The following NTM variants were observed in gnomAD, a reference collection of about 807,000 sequenced individuals.
NTM encodes the protein neurotrimin.
In NTM, 13 loss-of-function variants were observed where a neutral mutation model predicts 42.1. The ratio of observed to expected loss-of-function variants is 0.31; its 90% CI spans 0.20 to 0.49. The LOEUF is 0.49. Ranked by LOEUF, NTM falls within the 20% of genes least tolerant of loss-of-function variation. NTM has a pLI of 0.99. For synonymous variants in NTM, 187 were observed against 179.2 expected, an observed-to-expected ratio of 1.04 and a Z score of -0.35; for missense variants, 373 against 452.8, an observed-to-expected ratio of 0.82 and a Z score of 1.60.
chr11:132,311,740 A>T lies in NTM; in HGVS notation c.782+1508A>T, dbSNP rs556492863. Reference sequence around the variant, plus strand: ...TCATCAGCTGCGTCCTATTATTCCAATTCTTTATTGGAGAAAAATAGAAAA... The same window carrying T: ...TCATCAGCTGCGTCCTATTATTCCATTTCTTTATTGGAGAAAAATAGAAAA... On this transcript the variant is annotated intron_variant, in intron 6 of 8. Transcript: ENST00000683400. 1.8e-4 allele frequency among the ~76,000 whole-genome samples: 27 copies of T among 152,174 alleles called. No homozygotes were observed. In the South Asian group the frequency reaches 3.5e-3, roughly 20 times the overall value.
intron 2 of NTM, among the ~76,000 whole-genome samples, chr11:132,090,998 C>G (rs115302374): frequency 0.016 from 2,362 of 152,298 alleles, 62 homozygotes; most frequent in African/African-American, 0.053. Flanking sequence ...TTCCAATTTT[C>G]TCCATTCCAC....
chr11:131,953,096 C>T (rs959585599), intron 2 of NTM, among the ~76,000 whole-genome samples: 2 of 152,154 alleles, frequency 1.3e-5, no homozygotes, highest in Non-Finnish European at 2.9e-5. Flanking sequence ...GTTCAAGTTC[C>T]TCCAGCTGCT....
At position 131,886,753 on chromosome 11, in the gene NTM, C is replaced by T. The variant is rs146956780; in HGVS notation, c.83-24811C>T. Among the ~76,000 whole-genome samples, 9 of 152,162 alleles carry T rather than the reference C, an allele frequency of 5.9e-5. 1 individual carries two copies. The highest frequency in any genetic ancestry group is 5.9e-4 in the Admixed American group (9 of 15,276). The stretch of plus-strand genomic sequence containing the variant: ...CATTACCCTGGTAAGATGACAGAGC[C>T]AAGCTTTGCTAACGATGTTTCTGTG... On this transcript the variant is annotated intron_variant, in intron 1 of 8. Transcript: ENST00000683400.
intron 1 of NTM, among the ~76,000 whole-genome samples, chr11:131,520,201 AAAT>A (rs1198048051): frequency 2.0e-5 from 3 of 152,216 alleles, no homozygotes; most frequent in Non-Finnish European, 4.4e-5. Context: ...GGACTTCCAA[AAAT>A]AATAATATAT....
chr11:132,093,403 G>T (rs2060595340), intron 2 of NTM, among the ~76,000 whole-genome samples: 1 of 152,172 alleles, frequency 6.6e-6, no homozygotes, highest in African/African-American at 2.4e-5. Context: ...CAGCTTAGCA[G>T]CTTATTTTTC....
At chr11:131,921,255 G>A (rs2057183007) in intron 2 of NTM, among the ~76,000 whole-genome samples, 1 of 152,216 alleles carries the variant, frequency 6.6e-6, no homozygotes, top group Non-Finnish European at 1.5e-5. Flanking sequence ...CTAGAGTAGA[G>A]TGTGCCTCTA....
At chr11:131,571,891 A>G (rs1020591730) in intron 1 of NTM, among the ~76,000 whole-genome samples, 2 of 152,228 alleles carry the variant, frequency 1.3e-5, no homozygotes, top group African/African-American at 4.8e-5. Context: ...AAGAGAGCAC[A>G]TATGAAAAAA....
intron 1 of NTM, among the ~76,000 whole-genome samples, chr11:131,395,140 C>T (rs1020926711): frequency 6.6e-6 from 1 of 152,164 alleles, no homozygotes; most frequent in Non-Finnish European, 1.5e-5. Context: ...CTCTCAGCCT[C>T]TCCTGGTCAC....
At chr11:131,498,452 G>A (rs976705318) in intron 1 of NTM, among the ~76,000 whole-genome samples, 3 of 152,076 alleles carry the variant, frequency 2.0e-5, no homozygotes, top group African/African-American at 4.8e-5. Context: ...TATTATGATG[G>A]TTAGAAGTTT....
intron 1 of NTM, among the ~76,000 whole-genome samples, chr11:131,827,679 C>T (rs1195534577): frequency 6.6e-6 from 1 of 152,172 alleles, no homozygotes; most frequent in Non-Finnish European, 1.5e-5. Context: ...AGGAAGTCAA[C>T]TAAGAGAGAA....
chr11:132,090,457 C>G (rs983778348), intron 2 of NTM, among the ~76,000 whole-genome samples: 1 of 152,134 alleles, frequency 6.6e-6, no homozygotes, highest in African/African-American at 2.4e-5. Context: ...TTCCCATGCC[C>G]AGTAACTTCA....
chr11:132,263,063 C>G (rs191697675), intron 4 of NTM, among the ~76,000 whole-genome samples: 9 of 152,334 alleles, frequency 5.9e-5, no homozygotes, highest in Non-Finnish European at 1.3e-4. Context: ...GATCTTAAGG[C>G]TCAAGAATAG....
At chr11:131,524,463 G>A (rs564342069) in intron 1 of NTM, among the ~76,000 whole-genome samples, 2 of 152,320 alleles carry the variant, frequency 1.3e-5, no homozygotes, top group East Asian at 3.9e-4. Flanking sequence ...ACCTCTCAGC[G>A]ACAGGACTAT....
At chr11:131,794,077 A>G (rs981132800) in intron 1 of NTM, among the ~76,000 whole-genome samples, 1 of 152,216 alleles carries the variant, frequency 6.6e-6, no homozygotes, top group South Asian at 2.1e-4. Flanking sequence ...TACTGAACTC[A>G]TGGACGGTTC....
intron 1 of NTM, among the ~76,000 whole-genome samples, chr11:131,780,633 A>G (rs541544838): frequency 3.9e-5 from 6 of 152,326 alleles, no homozygotes; most frequent in Admixed American, 3.3e-4. Flanking sequence ...AATATGCTTG[A>G]CACTTCTATA....
At chr11:131,818,083 A>G (rs984739867) in intron 1 of NTM, among the ~76,000 whole-genome samples, 2 of 152,292 alleles carry the variant, frequency 1.3e-5, no homozygotes, top group Admixed American at 6.5e-5. Context: ...CCCACCAGTC[A>G]TCAACTAAAG....
intron 2 of NTM, among the ~76,000 whole-genome samples, chr11:132,079,722 G>C (rs11222905): frequency 0.29 from 44,522 of 152,070 alleles, 7,205 homozygotes; most frequent in African/African-American, 0.42. Context: ...GACACTAAAA[G>C]TGTACACAAT....
At chr11:131,443,258 G>A (rs375634093) in intron 1 of NTM, among the ~76,000 whole-genome samples, 19 of 152,166 alleles carry the variant, frequency 1.2e-4, no homozygotes, top group African/African-American at 4.3e-4. Context: ...AAAATATTTA[G>A]TAACAAAATT....
At chr11:132,151,171 G>A (rs10791214) in intron 3 of NTM, among the ~76,000 whole-genome samples, 1 of 152,008 alleles carries the variant, frequency 6.6e-6, no homozygotes, top group Non-Finnish European at 1.5e-5. Context: ...CGAGCATATT[G>A]TACATCTGAA....
Sources: gnomAD v4.1 joint callset for allele counts (sites outside exome capture counted in the v4.1 genomes callset) on GRCh38, gnomAD v4.1.1 for gene constraint, MANE v1.5 for transcripts, NCBI Gene and HGNC (gene_info 2026-07-23, HGNC 2026-07-21) for gene names.